INPP5J: variants seen among roughly 807,000 people sequenced by gnomAD.
INPP5J encodes inositol polyphosphate-5-phosphatase J.
In INPP5J, 75 loss-of-function variants were observed where a neutral mutation model predicts 86.6. The ratio of observed to expected loss-of-function variants is 0.87; its 90% CI spans 0.72 to 1.05. The LOEUF is 1.05. INPP5J is among the 50% of genes least tolerant of loss of function. INPP5J has a pLI of 0.00. For synonymous variants in INPP5J, 540 were observed against 550.0 expected (o/e 0.98, Z 0.25); for missense variants, 1,229 against 1,341.2 (o/e 0.92, Z 1.31).
At position 31,125,294 on chromosome 22, in the gene INPP5J, G is replaced by A. The variant is rs552487483; in HGVS notation, c.555G>A (p.Leu185=). 1 of 1,550,482 alleles carries A rather than the reference G, an allele frequency of 6.4e-7. No homozygotes were observed. Among genetic ancestry groups the A allele is most frequent in the African/African-American group, 1.4e-5 (1 of 73,142 alleles). ...AGCCAACACTGGCAGCCTCTGGCCT[G>A]AGCCTGGCCCTGGCTTCTGAGGAGC... ...GPKPTLAASG[L]SLALASEEQP... is the part of the protein sequence containing the mutation. The change falls in exon 2 of 13, where the codon CTG becomes CTA. Residue 185 remains leucine, a synonymous_variant. Transcript: ENST00000331075.
intron 9 of INPP5J, among the ~76,000 whole-genome samples, chr22:31,130,333 CTG>C (rs1027622584): frequency 6.6e-6 from 1 of 151,976 alleles, no homozygotes; most frequent in African/African-American, 2.4e-5. Context: ...ATGAGCAAGA[CTG>C]TGTCTCAGGG....
In INPP5J at chr22:31,134,018, C is replaced by T. The variant is rs1602747477; in HGVS notation, c.2620C>T (p.Arg874Cys). 8 of 1,608,980 alleles carry T rather than the reference C, an allele frequency of 5.0e-6. No individual in the cohort carries two copies. Among genetic ancestry groups the T allele is most frequent in the East Asian group, 2.2e-5 (1 of 44,566 alleles). The change falls in exon 13 of 13, where the codon CGC (arginine) becomes TGC (cysteine). Residue 874 changes from arginine to cysteine, a missense_variant. By Grantham distance (180) the Arg-to-Cys change is radical (BLOSUM62 -3). Transcript: ENST00000331075. ...STLELLAPKS[R>C]SPSPGKSKRH... The stretch of plus-strand genomic sequence containing the variant: ...ACTGGAGCTCCTTGCACCCAAGTCC[C>T]GCAGCCCCAGTCCTGGCAAGTCCAA...
At chr22:31,126,827 C>T (rs1264561863) in intron 4 of INPP5J, 94 bp from the exon 5 acceptor site, 13 of 1,412,778 alleles carry the variant, frequency 9.2e-6, no homozygotes, top group African/African-American at 2.8e-5. Context: ...TGGCTGGGTC[C>T]GTGACATGGG....
Position 31,125,516 on chromosome 22 carries a change from A to G in INPP5J, c.777A>G (p.Thr259=). 3 of 1,550,452 alleles carry G rather than the reference A, an allele frequency of 1.9e-6. No homozygotes were observed. Among genetic ancestry groups the G allele is most frequent in the Non-Finnish European group, 2.6e-6 (3 of 1,146,926 alleles). Residue 259 remains threonine (T), a synonymous_variant, in exon 2 of 13, where the codon ACA becomes ACG. Coordinates refer to ENST00000331075, the MANE Select transcript of INPP5J (RefSeq NM_001284285.2). ...GGCATCTCCAGCCTCCAGCTCAGAC[A>G]TCTGGTCCTACAGGCTCCCCACCCT... The part of the protein sequence containing the change: ...SEGHLQPPAQ[T]SGPTGSPPCI...
chr22:31,123,449 G>C (rs899136387), intron 1 of INPP5J, among the ~76,000 whole-genome samples: 1 of 152,092 alleles, frequency 6.6e-6, no homozygotes, highest in African/African-American at 2.4e-5. Context: ...GGGGCTTGTC[G>C]CTGAAGACTA....
Position 31,125,716 on chromosome 22 carries a change from C to T in INPP5J, c.977C>T (p.Thr326Ile), listed in dbSNP as rs147739113. ...GTHSPGLLSP[T>I]FRPGAPSGQT... ...CACTCCCCTGGACTTCTGTCCCCCA[C>T]CTTCCGGCCTGGGGCCCCCTCAGGC... The change falls in exon 2 of 13, where the codon ACC becomes ATC. Residue 326 changes from threonine (T) to isoleucine (I), a missense_variant. Physicochemically the swap from Thr to Ile is moderately conservative, Grantham distance 89 (BLOSUM62 -1). Coordinates refer to ENST00000331075, the MANE Select transcript of INPP5J (RefSeq NM_001284285.2). The T allele has an allele frequency of 7.7e-6, 12 of 1,551,092 alleles. No individual in the cohort carries two copies. Among genetic ancestry groups the T allele is most frequent in the Admixed American group, 5.9e-5 (3 of 51,008 alleles).
chr22:31,125,193 CCA>C lies in INPP5J; in HGVS notation c.455_456del (p.Pro152ArgfsTer40). ...TGCCTCAGCAGGGCCAAGATCTCCC[CCA>C]GTCACCCTGGGGCCCAATCTGGCCC... is the stretch of plus-strand genomic sequence containing the variant. The part of the protein sequence containing the change: ...MPASAGPRSP[P>X]VTLGPNLAPT... On this transcript the variant is annotated frameshift_variant, in exon 2 of 13. Coordinates refer to ENST00000331075, the MANE Select transcript of INPP5J (RefSeq NM_001284285.2). LOFTEE classifies it high-confidence loss of function. The C allele has an allele frequency of 6.4e-7, 1 of 1,550,518 alleles. No homozygotes were observed.
At chr22:31,128,142 C>A in intron 7 of INPP5J, 72 bp from the exon 8 acceptor site, 1 of 1,435,932 alleles carries the variant, frequency 7.0e-7, no homozygotes, top group Non-Finnish European at 9.7e-7. Context: ...CTGTCCTCAC[C>A]TGCCCCACCC....
chr22:31,124,909 T>C lies in INPP5J; in HGVS notation c.170T>C (p.Leu57Ser). The change falls in exon 2 of 13, where the codon TTG becomes TCG. Residue 57 changes from leucine (L) to serine (S), a missense_variant. By Grantham distance (145) the Leu-to-Ser change is moderately radical. Transcript: ENST00000331075. Reference protein sequence around the residue: ...NAALGPSEPRLALAPVGPRAA... With the variant: ...NAALGPSEPRSALAPVGPRAA... ...GCCCTAGGACCCTCGGAACCAAGGT[T>C]GGCTCTGGCACCTGTAGGGCCACGG... 3 of 1,613,870 alleles carry C rather than the reference T, an allele frequency of 1.9e-6. No individual in the cohort carries two copies. Among genetic ancestry groups the C allele is most frequent in the Non-Finnish European group, 2.5e-6 (3 of 1,179,836 alleles).
intron 1 of INPP5J, 41 bp downstream of exon 1, chr22:31,123,160 C>T (rs1921016695): frequency 1.6e-6 from 2 of 1,273,366 alleles, no homozygotes; most frequent in Non-Finnish European, 2.1e-6. Context: ...TTTCCTGATC[C>T]CTGGTTCCAC....
Position 31,133,054 on chromosome 22 carries a change from G to T in INPP5J, c.2194-44G>T, listed in dbSNP as rs1230912019. On this transcript the variant is annotated intron_variant, in intron 9 of 12. Coordinates refer to ENST00000331075, the MANE Select transcript of INPP5J (RefSeq NM_001284285.2). ...GCCTTAAGTGTGTGGGATACTAGAG[G>T]GTCTCCCCTGATGTGGCCCCCTGCC... is the stretch of plus-strand genomic sequence containing the variant. The T allele has an allele frequency of 1.9e-6, 3 of 1,551,050 alleles. No individual in the cohort carries two copies. In the Admixed American group the frequency reaches 5.9e-5, roughly 30 times the overall value.
At chr22:31,131,135 G>T (rs540791029) in intron 9 of INPP5J, among the ~76,000 whole-genome samples, 1 of 152,136 alleles carries the variant, frequency 6.6e-6, no homozygotes, top group Non-Finnish European at 1.5e-5. Flanking sequence ...ATATCCCCAC[G>T]CTTGGCCTGC....
At chr22:31,124,377 T>C (rs1569283885) in intron 1 of INPP5J, 2 of 850,010 alleles carry the variant, frequency 2.4e-6, no homozygotes, top group Non-Finnish European at 2.8e-6. Flanking sequence ...AAGCTGCACC[T>C]GTAGGTCTGT....
At chr22:31,126,263 A>G in intron 2 of INPP5J, 113 bp from the exon 3 acceptor site, 1 of 950,624 alleles carries the variant, frequency 1.1e-6, no homozygotes, top group South Asian at 1.5e-5. Context: ...GGTCCTTCTT[A>G]GGGCTTTGGC....
chr22:31,133,120 C>T lies in INPP5J; in HGVS notation c.2216C>T (p.Pro739Leu), dbSNP rs1435719673. The T allele has an allele frequency of 6.4e-7, 1 of 1,566,660 alleles. No homozygotes were observed. Among genetic ancestry groups the T allele is most frequent in the Admixed American group, 1.9e-5 (1 of 52,180 alleles). ...CAGTTTGCCTTCAGGGACGACATGC[C>T]ACTGGTGCGGCTGGAGGTGGCAGAT... Reference protein sequence around the residue: ...LLQFAFRDDMPLVRLEVADEW... With the variant: ...LLQFAFRDDMLLVRLEVADEW... Residue 739 changes from proline (P) to leucine (L), a missense_variant, in exon 10 of 13, where the codon CCA (proline) becomes CTA (leucine). Pro to Leu is a moderately conservative substitution (Grantham distance 98). Transcript: ENST00000331075.
intron 10 of INPP5J, 43 bp downstream of exon 10, chr22:31,133,278 G>A (rs1007349506): frequency 1.9e-6 from 3 of 1,602,576 alleles, no homozygotes; most frequent in Middle Eastern, 1.9e-4. Flanking sequence ...GAAGAAAGGG[G>A]CCTGGAGGAG....
In INPP5J at chr22:31,134,091, C is replaced by T; in HGVS notation, c.2693C>T (p.Ala898Val). Reference protein sequence around the residue: ...SPGLARFPGLALRPSSRERRG... With the variant: ...SPGLARFPGLVLRPSSRERRG... ...GGACTGGCCAGGTTCCCTGGGCTTG[C>T]CCTACGGCCCTCATCCCGTGAACGC... The change falls in exon 13 of 13, where the codon GCC (alanine) becomes GTC (valine). Residue 898 changes from alanine (A) to valine (V), a missense_variant. Ala to Val is a moderately conservative substitution (Grantham distance 64). Coordinates refer to ENST00000331075, the MANE Select transcript of INPP5J (RefSeq NM_001284285.2). The T allele has an allele frequency of 6.4e-7, 1 of 1,558,400 alleles. No homozygotes were observed.
intron 9 of INPP5J, among the ~76,000 whole-genome samples, chr22:31,130,764 A>G (rs905735739): frequency 2.6e-5 from 4 of 152,204 alleles, no homozygotes; most frequent in Non-Finnish European, 4.4e-5. Flanking sequence ...CTGAACTCTT[A>G]AGTAGTTACT....
At chr22:31,126,880 A>C (rs770793537) in intron 4 of INPP5J, 41 bp from the exon 5 acceptor site, 21 of 1,489,872 alleles carry the variant, frequency 1.4e-5, no homozygotes, top group Admixed American at 1.8e-5. Context: ...AGGGCGGGGG[A>C]GTTGTGTTCT....
Sources: gnomAD v4.1 joint callset for allele counts (sites outside exome capture counted in the v4.1 genomes callset) on GRCh38, gnomAD v4.1.1 for gene constraint, MANE v1.5 for transcripts, NCBI Gene and HGNC (gene_info 2026-07-23, HGNC 2026-07-21) for gene names.